Variants in TXNDC8 observed in about 807,000 individuals in gnomAD.
TXNDC8 encodes the protein thioredoxin domain-containing protein 8.
TXNDC8 carries 15 observed loss-of-function variants against 12.9 expected under a neutral mutation model. That is an observed-to-expected ratio of 1.16 (90% CI 0.78 to 1.79). The LOEUF (loss-of-function observed/expected upper bound fraction) is 1.79, where lower values mean the gene tolerates loss of function less well. TXNDC8 is among the 40% of genes most tolerant of loss of function. The pLI, the probability that TXNDC8 is intolerant of heterozygous loss-of-function variation, is 0.00. For missense variants in TXNDC8, 128 were observed against 113.2 expected, an observed-to-expected ratio of 1.13 and a Z score of -0.59; for synonymous variants, 40 against 35.4, an observed-to-expected ratio of 1.13 and a Z score of -0.46.
chr9:110,330,645 C>A (rs1839511593), intron 2 of TXNDC8, among the ~76,000 whole-genome samples: 1 of 152,214 alleles, frequency 6.6e-6, no homozygotes, highest in Non-Finnish European at 1.5e-5. Flanking sequence ...GATCAGCAAA[C>A]TATGCCCTGT....
chr9:110,322,909 A>G (rs924187851), intron 3 of TXNDC8: 77 of 985,352 alleles, frequency 7.8e-5, no homozygotes, highest in Non-Finnish European at 8.7e-5. Context: ...TTCAAATCAG[A>G]CATGACCTCC....
intron 3 of TXNDC8, among the ~76,000 whole-genome samples, chr9:110,319,357 C>T (rs532337948): frequency 2.6e-5 from 4 of 152,294 alleles, no homozygotes; most frequent in African/African-American, 4.8e-5. Context: ...TTTATTTATA[C>T]ATTTTCAGAG....
intron 3 of TXNDC8, among the ~76,000 whole-genome samples, chr9:110,309,519 A>AGAGACAGG (rs983216167): frequency 6.6e-6 from 1 of 152,150 alleles, no homozygotes; most frequent in Non-Finnish European, 1.5e-5. Flanking sequence ...TATTTTTAGT[A>AGAGACAGG]GAGACAGGGT....
chr9:110,304,610 G>A, intron 3 of TXNDC8, 78 bp from the exon 5 acceptor site: 1 of 1,361,636 alleles, frequency 7.3e-7, no homozygotes, highest in Non-Finnish European at 1.0e-6. Context: ...TGGTTCTTTT[G>A]GCCTTGGCCA....
chr9:110,320,390 C>T (rs1292951899), intron 3 of TXNDC8, among the ~76,000 whole-genome samples: 1 of 152,156 alleles, frequency 6.6e-6, no homozygotes, highest in Non-Finnish European at 1.5e-5. Context: ...CTCTTGCCTG[C>T]CATCATATAA....
intron 1 of TXNDC8, among the ~76,000 whole-genome samples, chr9:110,335,535 A>G (rs1237891959): frequency 6.6e-6 from 1 of 152,238 alleles, no homozygotes; most frequent in African/African-American, 2.4e-5. Flanking sequence ...TAATCTTTAC[A>G]ACAACACTAC....
At chr9:110,313,730 A>C (rs1024569652) in intron 3 of TXNDC8, among the ~76,000 whole-genome samples, 20 of 152,108 alleles carry the variant, frequency 1.3e-4, no homozygotes, top group African/African-American at 4.3e-4. Flanking sequence ...CAAACAACCA[A>C]AATGGAGTAA....
intron 3 of TXNDC8, among the ~76,000 whole-genome samples, chr9:110,308,690 C>G (rs1838550435): frequency 6.6e-6 from 1 of 152,102 alleles, no homozygotes; most frequent in Non-Finnish European, 1.5e-5. Flanking sequence ...AAGGTTCTCT[C>G]ATTTACTTTC....
intron 3 of TXNDC8, among the ~76,000 whole-genome samples, chr9:110,305,846 CT>C (rs1838449713): frequency 9.2e-6 from 1 of 108,164 alleles, no homozygotes; most frequent in African/African-American, 3.5e-5. Flanking sequence ...CCTTTCTTTT[CT>C]TTTCTTTCTT....
intron 3 of TXNDC8, among the ~76,000 whole-genome samples, chr9:110,311,881 G>A (rs1168781936): frequency 6.9e-6 from 1 of 145,700 alleles, no homozygotes; most frequent in African/African-American, 2.5e-5. Context: ...TATGGATATA[G>A]TAAACTAATT....
intron 1 of TXNDC8, among the ~76,000 whole-genome samples, chr9:110,335,415 GATGA>G (rs1157959264): frequency 6.6e-6 from 1 of 151,958 alleles, no homozygotes; most frequent in Non-Finnish European, 1.5e-5. Context: ...GTGTCTTCTT[GATGA>G]ATGAATGATT....
At position 110,337,787 on chromosome 9, in the gene TXNDC8, T is replaced by C. The variant is rs758138562; in HGVS notation, c.10A>G (p.Ile4Val). Reference sequence around the variant, plus strand: ...TAAATACTTGCCGTGTCTTTAATAATCTGTACCATGATTACACCAGGGAAG... The same window carrying C: ...TAAATACTTGCCGTGTCTTTAATAACCTGTACCATGATTACACCAGGGAAG... The change falls in exon 1 of 5, where the codon ATT becomes GTT. Residue 4 changes from isoleucine (I) to valine (V), a missense_variant. Transcript: ENST00000423740. The C allele has an allele frequency of 6.2e-7, 1 of 1,613,888 alleles. No individual in the cohort carries two copies. The highest frequency in any genetic ancestry group is 8.5e-7 in the Non-Finnish European group (1 of 1,179,926).
At chr9:110,309,135 A>C (rs76857813) in intron 3 of TXNDC8, among the ~76,000 whole-genome samples, 4 of 152,052 alleles carry the variant, frequency 2.6e-5, no homozygotes, top group Non-Finnish European at 4.4e-5. Flanking sequence ...TTTTTCTCTG[A>C]AAATTAATCT....
intron 3 of TXNDC8, among the ~76,000 whole-genome samples, chr9:110,324,561 A>T (rs938201554): frequency 1.3e-5 from 2 of 152,176 alleles, no homozygotes; most frequent in African/African-American, 2.4e-5. Context: ...TTCATGGAGT[A>T]GATGTATCAG....
intron 3 of TXNDC8, among the ~76,000 whole-genome samples, chr9:110,308,465 G>GTTTTT (rs34752105): frequency 1.4e-5 from 2 of 147,504 alleles, no homozygotes; most frequent in African/African-American, 2.5e-5. Context: ...AGATCACATT[G>GTTTTT]TTTTTTTTTT....
chr9:110,320,768 C>G (rs937593509), intron 3 of TXNDC8, among the ~76,000 whole-genome samples: 1 of 152,166 alleles, frequency 6.6e-6, no homozygotes, highest in Non-Finnish European at 1.5e-5. Context: ...GTTACAAAGA[C>G]CAGACAAAGT....
intron 2 of TXNDC8, among the ~76,000 whole-genome samples, chr9:110,332,880 A>G (rs147600172): frequency 1.2e-3 from 183 of 152,338 alleles, no homozygotes; most frequent in African/African-American, 4.4e-3. Flanking sequence ...TACAAAGTAA[A>G]TCAAGGACAA....
At chr9:110,309,307 A>G (rs759127679) in intron 3 of TXNDC8, among the ~76,000 whole-genome samples, 24 of 152,090 alleles carry the variant, frequency 1.6e-4, no homozygotes, top group Non-Finnish European at 3.2e-4. Context: ...GCAGCCCTAC[A>G]GGAAAATCCC....
intron 3 of TXNDC8, among the ~76,000 whole-genome samples, chr9:110,311,449 G>C (rs775332132): frequency 7.2e-6 from 1 of 139,354 alleles, no homozygotes; most frequent in Non-Finnish European, 1.5e-5. Context: ...CTTATTTAAA[G>C]GTTATGTATA....
Sources: gnomAD v4.1 joint callset for allele counts (sites outside exome capture counted in the v4.1 genomes callset) on GRCh38, gnomAD v4.1.1 for gene constraint, MANE v1.5 for transcripts, NCBI Gene and HGNC (gene_info 2026-07-23, HGNC 2026-07-21) for gene names.